The following SPECC1 variants were observed in gnomAD, a reference collection of about 807,000 sequenced individuals.
SPECC1 encodes the protein cytospin-B.
Under a neutral mutation model 104.1 loss-of-function variants are expected in SPECC1, and 62 were observed. That is an observed-to-expected ratio of 0.60 (90% CI 0.49 to 0.74). SPECC1 has a LOEUF of 0.74. SPECC1 is among the 30% of genes least tolerant of loss of function. SPECC1 has a pLI of 0.00. For synonymous variants in SPECC1, 513 were observed against 501.6 expected (o/e 1.02, Z -0.30); for missense variants, 1,306 against 1,310.5 (o/e 1.00, Z 0.05).
At chr17:20,233,734 G>A (rs552642097) in intron 7 of SPECC1, among the ~76,000 whole-genome samples, 1 of 152,276 alleles carries the variant, frequency 6.6e-6, no homozygotes, top group African/African-American at 2.4e-5. Context: ...GGAGGTAGAG[G>A]GAGAATAGGA....
At chr17:20,121,133 G>A (rs1362869415) in intron 3 of SPECC1, among the ~76,000 whole-genome samples, 2 of 152,124 alleles carry the variant, frequency 1.3e-5, no homozygotes, top group Admixed American at 1.3e-4. Flanking sequence ...TGCCTGCACT[G>A]TGCCGGCTTC....
intron 12 of SPECC1, among the ~76,000 whole-genome samples, chr17:20,289,146 C>T (rs1391811281): frequency 6.6e-6 from 1 of 152,230 alleles, no homozygotes; most frequent in East Asian, 1.9e-4. Context: ...AAAGTGGAAA[C>T]CCCTGATAAA....
At chr17:20,025,604 G>A (rs2044569311) in intron 1 of SPECC1, among the ~76,000 whole-genome samples, 1 of 152,168 alleles carries the variant, frequency 6.6e-6, no homozygotes, top group Non-Finnish European at 1.5e-5. Context: ...TTATTTACCT[G>A]TTCATCAGAT....
chr17:20,205,155 C>G lies in SPECC1; in HGVS notation c.1106C>G (p.Ser369Cys). 2 of 1,614,084 alleles carry G rather than the reference C, an allele frequency of 1.2e-6. No homozygotes were observed. The highest frequency in any genetic ancestry group is 1.7e-6 in the Non-Finnish European group (2 of 1,180,008). ...GSSPNSVSEL[S>C]LASLTEKIQK... ...TCCCCAAACAGCGTAAGTGAATTGT[C>G]CCTGGCTTCCCTCACAGAGAAGATA... The change falls in exon 4 of 15, where the codon TCC (serine) becomes TGC (cysteine). Residue 369 changes from serine to cysteine, a missense_variant. Physicochemically the swap from Ser to Cys is moderately radical, Grantham distance 112. Around this residue, in one of 2 missense-constraint regions of SPECC1, gnomAD observed 1,177 missense variants for 1,139.9 expected, o/e 1.03. Coordinates refer to ENST00000395527, the MANE Select transcript of SPECC1 (RefSeq NM_001243439.2).
chr17:20,225,772 G>A (rs975044060), intron 4 of SPECC1, among the ~76,000 whole-genome samples: 6 of 152,158 alleles, frequency 3.9e-5, no homozygotes, highest in African/African-American at 1.2e-4. Context: ...GCTTTCTTAC[G>A]TGGATAGCAG....
intron 3 of SPECC1, among the ~76,000 whole-genome samples, chr17:20,138,542 T>C (rs1567871003): frequency 6.6e-6 from 1 of 152,194 alleles, no homozygotes; most frequent in Non-Finnish European, 1.5e-5. Flanking sequence ...CCCTCATCCC[T>C]AGTCCCTGGA....
intron 12 of SPECC1, among the ~76,000 whole-genome samples, chr17:20,266,103 C>T (rs2040206073): frequency 6.6e-6 from 1 of 152,104 alleles, no homozygotes. Context: ...TTTTCTAATT[C>T]TTTGAAAAAT....
At chr17:20,218,286 C>T (rs942201768) in intron 4 of SPECC1, among the ~76,000 whole-genome samples, 3 of 151,718 alleles carry the variant, frequency 2.0e-5, no homozygotes, top group Non-Finnish European at 4.4e-5. Context: ...TAACTGCCCA[C>T]CCCCCAACCC....
chr17:20,177,163 T>C (rs1212265480), intron 3 of SPECC1, among the ~76,000 whole-genome samples: 2 of 152,066 alleles, frequency 1.3e-5, no homozygotes, highest in East Asian at 3.9e-4. Flanking sequence ...TGCTAAGAAA[T>C]AGACTTGTAA....
At chr17:20,269,802 C>A (rs2040338868) in intron 12 of SPECC1, among the ~76,000 whole-genome samples, 1 of 152,216 alleles carries the variant, frequency 6.6e-6, no homozygotes, top group Non-Finnish European at 1.5e-5. Flanking sequence ...TGTGCCTTTT[C>A]CCTTTGCTGA....
chr17:20,049,791 T>C (rs1174002233), intron 1 of SPECC1, among the ~76,000 whole-genome samples: 1 of 151,978 alleles, frequency 6.6e-6, no homozygotes, highest in African/African-American at 2.4e-5. Context: ...TTATACTATT[T>C]TCATTTTTTT....
At chr17:20,145,452 C>T (rs943405122) in intron 3 of SPECC1, among the ~76,000 whole-genome samples, 2 of 152,204 alleles carry the variant, frequency 1.3e-5, no homozygotes, top group South Asian at 4.1e-4. Flanking sequence ...TTTGGTCGAC[C>T]ACCCTGATTG....
intron 1 of SPECC1, among the ~76,000 whole-genome samples, chr17:20,042,552 C>T (rs370845955): frequency 1.3e-5 from 2 of 152,288 alleles, no homozygotes; most frequent in East Asian, 1.9e-4. Context: ...GGATAAAAGT[C>T]GCAGTCCTTA....
chr17:20,203,367 G>A (rs1358322946), intron 3 of SPECC1, among the ~76,000 whole-genome samples: 1 of 151,662 alleles, frequency 6.6e-6, no homozygotes, highest in African/African-American at 2.4e-5. Flanking sequence ...GGAGACTGAT[G>A]TCTGGGTTTC....
At chr17:20,118,245 G>A (rs1302384133) in intron 3 of SPECC1, among the ~76,000 whole-genome samples, 1 of 152,204 alleles carries the variant, frequency 6.6e-6, no homozygotes, top group African/African-American at 2.4e-5. Flanking sequence ...TATGGTTGAT[G>A]CACAAGGACA....
rs1343939080 is a variant in SPECC1, at chr17:20,107,160, A to AAAG, written c.148-3265_148-3264insGAA. On this transcript the variant is annotated intron_variant, in intron 2 of 14. Coordinates refer to ENST00000395527, the MANE Select transcript of SPECC1 (RefSeq NM_001243439.2). ...CTCGTGTCTCAAAAAAAAAAAAAAA[A>AAAG]AAAAAAAAAGAAAAGAAAAACAAAA... Among the ~76,000 whole-genome samples the AAAG allele has an allele frequency of 3.4e-3, 506 of 150,142 alleles. 3 individuals are homozygous for AAAG. Among genetic ancestry groups the AAAG allele is most frequent in the Non-Finnish European group, 5.5e-3 (368 of 67,474 alleles).
At chr17:20,160,291 C>G (rs1032340210) in intron 3 of SPECC1, among the ~76,000 whole-genome samples, 5 of 152,142 alleles carry the variant, frequency 3.3e-5, no homozygotes, top group Non-Finnish European at 5.9e-5. Flanking sequence ...GGATGCTCCT[C>G]TTCAGCATAT....
chr17:20,089,800 G>C (rs2047327128), intron 1 of SPECC1, among the ~76,000 whole-genome samples: 1 of 152,218 alleles, frequency 6.6e-6, no homozygotes, highest in East Asian at 1.9e-4. Context: ...AATGTTGCAG[G>C]CATCTGATCT....
rs1460480416 is a variant in SPECC1, at chr17:20,238,313, A to C, written c.2351+5908A>C. On this transcript the variant is annotated intron_variant, in intron 7 of 14. Coordinates refer to ENST00000395527, the MANE Select transcript of SPECC1 (RefSeq NM_001243439.2). ...GAAACTTAGTGTTCAAATCAGAGTG[A>C]TACACAATTCAAAATGTGATTTTAA... The C allele has an allele frequency of 6.7e-6, 7 of 1,040,290 alleles. No homozygotes were observed. In the Admixed American group the frequency reaches 3.4e-4, roughly 50 times the overall value. The allele number at this position is 1,040,290 out of a possible 1,614,324, so 64.4% of individuals were successfully genotyped here.
Sources: gnomAD v4.1 joint callset for allele counts (sites outside exome capture counted in the v4.1 genomes callset) on GRCh38, gnomAD v4.1.1 for gene constraint, gnomAD v4.1.1 regional missense constraint, MANE v1.5 for transcripts, NCBI Gene and HGNC (gene_info 2026-07-23, HGNC 2026-07-21) for gene names.